The following PPFIA2 variants were observed in gnomAD, a reference collection of about 807,000 sequenced individuals.
The protein encoded by PPFIA2 is PPFI scaffold protein A2.
A neutral mutation model predicts 175.5 loss-of-function variants in PPFIA2; 46 were observed. That is an observed-to-expected ratio of 0.26 (90% CI 0.21 to 0.34). The LOEUF (loss-of-function observed/expected upper bound fraction) is 0.34. Among genes scored for constraint, PPFIA2 ranks in the 10% least tolerant of loss-of-function variants. PPFIA2 has a pLI of 1.00. For synonymous variants in PPFIA2, 568 were observed against 511.4 expected (o/e 1.11, Z -1.49); for missense variants, 1,179 against 1,506.1 (o/e 0.78, Z 3.60).
At chr12:81,384,298 A>G in intron 8 of PPFIA2, 54 bp from the exon 9 acceptor site, 6 of 1,197,510 alleles carry the variant, frequency 5.0e-6, no homozygotes, top group Non-Finnish European at 5.7e-6. Flanking sequence ...TTAATTTAAA[A>G]TTTAAAATAA....
At chr12:81,728,800 G>T (rs1282269489) in intron 3 of PPFIA2, among the ~76,000 whole-genome samples, 1 of 151,366 alleles carries the variant, frequency 6.6e-6, no homozygotes, top group African/African-American at 2.4e-5. Flanking sequence ...GTGACTACCA[G>T]AAAAAGAGTA....
intron 29 of PPFIA2, chr12:81,267,230 A>G (rs770520278): frequency 6.9e-6 from 4 of 576,156 alleles, no homozygotes. Flanking sequence ...CAGTAGAGAG[A>G]CAGTCTTGCA....
intron 4 of PPFIA2, among the ~76,000 whole-genome samples, chr12:81,644,014 C>T (rs1432158611): frequency 1.3e-5 from 2 of 151,858 alleles, no homozygotes; most frequent in African/African-American, 2.4e-5. Flanking sequence ...AGAACCAGCA[C>T]CTTGACCAAC....
At chr12:81,751,778 T>A (rs1379297195) in intron 3 of PPFIA2, among the ~76,000 whole-genome samples, 1 of 152,164 alleles carries the variant, frequency 6.6e-6, no homozygotes, top group Admixed American at 6.6e-5. Context: ...TAAAACATTT[T>A]CATTCTTGTA....
chr12:81,311,121 A>G (rs1162376452), intron 22 of PPFIA2, among the ~76,000 whole-genome samples: 1 of 152,174 alleles, frequency 6.6e-6, no homozygotes, highest in Non-Finnish European at 1.5e-5. Context: ...TATTATGCAT[A>G]TTTTATTTTA....
intron 4 of PPFIA2, among the ~76,000 whole-genome samples, chr12:81,486,458 G>A (rs976563970): frequency 4.0e-5 from 6 of 151,698 alleles, no homozygotes; most frequent in African/African-American, 1.5e-4. Context: ...TAAAAACATA[G>A]TATTTCTAGA....
At chr12:81,452,603 G>T (rs2052797106) in intron 5 of PPFIA2, among the ~76,000 whole-genome samples, 1 of 152,218 alleles carries the variant, frequency 6.6e-6, no homozygotes, top group African/African-American at 2.4e-5. Context: ...ATACGCACAT[G>T]CATGTACACA....
At chr12:81,320,836 TCATCTTTAATCCCA>T (rs2053503818) in intron 22 of PPFIA2, among the ~76,000 whole-genome samples, 2 of 152,048 alleles carry the variant, frequency 1.3e-5, no homozygotes, top group Non-Finnish European at 2.9e-5. Context: ...ACAGACATCC[TCATCTTTAATCCCA>T]GAAGTTTCTA....
chr12:81,705,939 G>A (rs1011507087), intron 3 of PPFIA2, among the ~76,000 whole-genome samples: 1 of 152,190 alleles, frequency 6.6e-6, no homozygotes, highest in African/African-American at 2.4e-5. Context: ...CACTTGAAAT[G>A]TGGCTATTTG....
chr12:81,705,385 G>A (rs2077001652), intron 3 of PPFIA2, among the ~76,000 whole-genome samples: 2 of 150,516 alleles, frequency 1.3e-5, no homozygotes, highest in South Asian at 4.2e-4. Flanking sequence ...GAACCTGGGA[G>A]GCGGAGCTTG....
At chr12:81,733,095 T>G (rs1038908948) in intron 3 of PPFIA2, among the ~76,000 whole-genome samples, 1 of 151,638 alleles carries the variant, frequency 6.6e-6, no homozygotes, top group Non-Finnish European at 1.5e-5. Flanking sequence ...CAACAATCTT[T>G]TATTGTCTCT....
chr12:81,614,213 T>A (rs1037429775), intron 4 of PPFIA2, among the ~76,000 whole-genome samples: 1 of 151,844 alleles, frequency 6.6e-6, no homozygotes, highest in Non-Finnish European at 1.5e-5. Flanking sequence ...ATTCACAGAG[T>A]ATTGGGGGAA....
At chr12:81,464,527 G>A (rs756980808) in intron 4 of PPFIA2, among the ~76,000 whole-genome samples, 3 of 152,122 alleles carry the variant, frequency 2.0e-5, no homozygotes, top group Non-Finnish European at 4.4e-5. Context: ...TGTCTGTGCT[G>A]CAAATATCTC....
At chr12:81,600,442 A>G (rs2059670678) in intron 4 of PPFIA2, among the ~76,000 whole-genome samples, 2 of 151,912 alleles carry the variant, frequency 1.3e-5, no homozygotes, top group Admixed American at 1.3e-4. Context: ...TTTCTCTTGC[A>G]TAAATCGCTT....
intron 4 of PPFIA2, among the ~76,000 whole-genome samples, chr12:81,648,669 C>T (rs948332956): frequency 1.3e-5 from 2 of 150,996 alleles, no homozygotes; most frequent in Non-Finnish European, 1.5e-5. Context: ...AAAATTTACT[C>T]AGAACGTGAA....
Position 81,480,313 on chromosome 12 carries a change from C to A in PPFIA2, c.304-22447G>T, listed in dbSNP as rs551559439. 2.0e-5 allele frequency among the ~76,000 whole-genome samples: 3 copies of A among 151,746 alleles called. No homozygotes were observed. The East Asian group carries it at 5.9e-4, about 30-fold the overall frequency. ...TCGTTTTAGTTAGCAATTCCTCTAACCTTTTTTCAAGGTTCTTAGCTTCCT... is the reference window on the plus strand; with the variant it reads ...TCGTTTTAGTTAGCAATTCCTCTAAACTTTTTTCAAGGTTCTTAGCTTCCT... On this transcript the variant is annotated intron_variant, in intron 4 of 32. Coordinates refer to ENST00000549396, the MANE Select transcript of PPFIA2 (RefSeq NM_003625.5).
intron 4 of PPFIA2, among the ~76,000 whole-genome samples, chr12:81,548,851 TA>T (rs1460523312): frequency 6.6e-6 from 1 of 152,142 alleles, no homozygotes; most frequent in Non-Finnish European, 1.5e-5. Context: ...ATTTTGCATT[TA>T]AAAACATATT....
intron 4 of PPFIA2, among the ~76,000 whole-genome samples, chr12:81,530,578 C>A (rs923488658): frequency 2.6e-5 from 4 of 151,720 alleles, no homozygotes; most frequent in Non-Finnish European, 5.9e-5. Flanking sequence ...AGTGTGGCAA[C>A]TGGAATGAAC....
intron 3 of PPFIA2, among the ~76,000 whole-genome samples, chr12:81,682,084 A>G (rs2073745830): frequency 6.6e-6 from 1 of 152,076 alleles, no homozygotes; most frequent in Non-Finnish European, 1.5e-5. Flanking sequence ...GGGTTAAATT[A>G]TGTTCCCTGA....
Sources: gnomAD v4.1 joint callset for allele counts (sites outside exome capture counted in the v4.1 genomes callset) on GRCh38, gnomAD v4.1.1 for gene constraint, MANE v1.5 for transcripts, NCBI Gene and HGNC (gene_info 2026-07-23, HGNC 2026-07-21) for gene names.